The following FAF1 variants were observed in gnomAD, a reference collection of about 807,000 sequenced individuals.
The protein encoded by FAF1 is Fas associated factor 1.
FAF1 carries 25 observed loss-of-function variants against 92.5 expected under a neutral mutation model. That is an observed-to-expected ratio of 0.27 (90% confidence interval 0.20 to 0.38). The LOEUF (loss-of-function observed/expected upper bound fraction) is 0.38, where lower values mean the gene tolerates loss of function less well. Among genes scored for constraint, FAF1 ranks in the 10% least tolerant of loss-of-function variants. The pLI is 1.00. For missense variants in FAF1, 636 were observed against 793.3 expected (o/e 0.80, Z 2.38); for synonymous variants, 234 against 273.2 (o/e 0.86, Z 1.42).
chr1:50,953,428 TAAAAAAAGA>T (rs967633855), intron 1 of FAF1, among the ~76,000 whole-genome samples: 17 of 151,316 alleles, frequency 1.1e-4, no homozygotes, highest in African/African-American at 2.2e-4. Context: ...AATAAATTTT[TAAAAAAAGA>T]AAAAAAAGAA....
At chr1:50,497,243 G>A (rs1279770930) in intron 15 of FAF1, among the ~76,000 whole-genome samples, 1 of 151,754 alleles carries the variant, frequency 6.6e-6, no homozygotes, top group East Asian at 1.9e-4. Context: ...AAGACAATTG[G>A]GCAACATCTC....
At chr1:50,772,292 T>A (rs1435767134) in intron 4 of FAF1, among the ~76,000 whole-genome samples, 1 of 152,186 alleles carries the variant, frequency 6.6e-6, no homozygotes, top group Admixed American at 6.5e-5. Context: ...AGTTTGGCAA[T>A]CTCTCAAAGA....
At chr1:50,639,848 C>G (rs1557449873) in intron 8 of FAF1, among the ~76,000 whole-genome samples, 1 of 149,752 alleles carries the variant, frequency 6.7e-6, no homozygotes, top group African/African-American at 2.5e-5. Flanking sequence ...TCAGAAGAAT[C>G]GCTTAAACCT....
At chr1:50,847,316 T>G (rs1417131322) in intron 2 of FAF1, among the ~76,000 whole-genome samples, 1 of 151,786 alleles carries the variant, frequency 6.6e-6, no homozygotes, top group Non-Finnish European at 1.5e-5. Flanking sequence ...ACAGGAAATT[T>G]TAGATGACTA....
chr1:50,705,127 T>C (rs1191089471), intron 7 of FAF1, among the ~76,000 whole-genome samples: 1 of 152,220 alleles, frequency 6.6e-6, no homozygotes, highest in Non-Finnish European at 1.5e-5. Flanking sequence ...GCCTTAAATG[T>C]TCCCCCCACC....
At chr1:50,897,230 C>G (rs1644764988) in intron 1 of FAF1, among the ~76,000 whole-genome samples, 1 of 152,186 alleles carries the variant, frequency 6.6e-6, no homozygotes, top group African/African-American at 2.4e-5. Context: ...TAGATGTCAT[C>G]TATGAATAAC....
intron 18 of FAF1, among the ~76,000 whole-genome samples, chr1:50,455,846 G>A (rs142949003): frequency 2.0e-5 from 3 of 152,108 alleles, no homozygotes; most frequent in Non-Finnish European, 2.9e-5. Flanking sequence ...TGGGGGCCAG[G>A]TGCATCACTT....
At chr1:50,453,147 T>G (rs920663961) in intron 18 of FAF1, among the ~76,000 whole-genome samples, 1 of 152,250 alleles carries the variant, frequency 6.6e-6, no homozygotes, top group East Asian at 1.9e-4. Context: ...GAAAGACAGT[T>G]TGGACATAGA....
At chr1:50,735,045 G>A (rs372596220) in intron 6 of FAF1, among the ~76,000 whole-genome samples, 3 of 152,160 alleles carry the variant, frequency 2.0e-5, no homozygotes, top group Admixed American at 6.5e-5. Flanking sequence ...CACCAGGAAT[G>A]AGTTGGTATC....
chr1:50,526,733 T>G (rs1647826201), intron 15 of FAF1, among the ~76,000 whole-genome samples: 1 of 152,204 alleles, frequency 6.6e-6, no homozygotes, highest in Non-Finnish European at 1.5e-5. Flanking sequence ...GGTAACTACA[T>G]TTAATCAACT....
At chr1:50,603,407 TCACATTTC>T (rs1218794372) in intron 8 of FAF1, among the ~76,000 whole-genome samples, 1 of 152,190 alleles carries the variant, frequency 6.6e-6, no homozygotes, top group Non-Finnish European at 1.5e-5. Flanking sequence ...TTCTATTACA[TCACATTTC>T]CAACGTAGAT....
intron 15 of FAF1, among the ~76,000 whole-genome samples, chr1:50,523,250 C>A (rs1245862578): frequency 6.6e-6 from 1 of 152,070 alleles, no homozygotes; most frequent in Non-Finnish European, 1.5e-5. Context: ...CTATTTGAGT[C>A]CCTGTTTTCA....
intron 7 of FAF1, among the ~76,000 whole-genome samples, chr1:50,685,512 A>G (rs1656619413): frequency 6.6e-6 from 1 of 152,198 alleles, no homozygotes; most frequent in East Asian, 1.9e-4. Flanking sequence ...AAAAGCAATG[A>G]CCTTACTGTG....
intron 2 of FAF1, among the ~76,000 whole-genome samples, chr1:50,809,440 C>T (rs1164793666): frequency 6.6e-6 from 1 of 152,052 alleles, no homozygotes; most frequent in East Asian, 1.9e-4. Context: ...ACATTACCAC[C>T]AAATCCAGAG....
chr1:50,715,739 C>T (rs1374637095), intron 6 of FAF1, among the ~76,000 whole-genome samples: 1 of 152,118 alleles, frequency 6.6e-6, no homozygotes, highest in Non-Finnish European at 1.5e-5. Context: ...CTGTAAAATA[C>T]CAGCCTTCTA....
At chr1:50,817,442 T>C (rs1159581954) in intron 2 of FAF1, among the ~76,000 whole-genome samples, 2 of 152,148 alleles carry the variant, frequency 1.3e-5, no homozygotes, top group African/African-American at 4.8e-5. Context: ...TAGTCAAAAT[T>C]ATAGAGACAG....
intron 9 of FAF1, among the ~76,000 whole-genome samples, chr1:50,595,366 T>C (rs1365070575): frequency 6.6e-6 from 1 of 152,004 alleles, no homozygotes. Flanking sequence ...TGTTATTTTA[T>C]CTATCACCCT....
At chr1:50,747,207 C>A (rs1032680483) in intron 4 of FAF1, among the ~76,000 whole-genome samples, 2 of 152,138 alleles carry the variant, frequency 1.3e-5, no homozygotes, top group Non-Finnish European at 2.9e-5. Context: ...ATGATAGATC[C>A]ACTAAATACC....
chr1:50,873,921 G>T (rs1644548904), intron 1 of FAF1, among the ~76,000 whole-genome samples: 1 of 152,146 alleles, frequency 6.6e-6, no homozygotes, highest in Non-Finnish European at 1.5e-5. Context: ...GAGAACAGAG[G>T]TCTTATATCT....
Sources: gnomAD v4.1 joint callset for allele counts (sites outside exome capture counted in the v4.1 genomes callset) on GRCh38, gnomAD v4.1.1 for gene constraint, MANE v1.5 for transcripts, NCBI Gene and HGNC (gene_info 2026-07-23, HGNC 2026-07-21) for gene names.